Variants in DHX35 observed in about 807,000 individuals in gnomAD.
DHX35 encodes the protein DEAH-box helicase 35, also known as probable ATP-dependent RNA helicase DHX35.
Under a neutral mutation model 99.6 loss-of-function variants are expected in DHX35, and 84 were observed. That is an observed-to-expected ratio of 0.84 (90% confidence interval 0.71 to 1.01). The LOEUF (loss-of-function observed/expected upper bound fraction) is 1.01, where lower values mean the gene tolerates loss of function less well. Among genes scored for constraint, DHX35 ranks in the 50% least tolerant of loss-of-function variants. DHX35 has a pLI of 0.00. For synonymous variants in DHX35, 331 were observed against 316.2 expected (o/e 1.05, Z -0.50); for missense variants, 852 against 888.5 (o/e 0.96, Z 0.52).
At position 39,010,270 on chromosome 20, in the gene DHX35, C is replaced by G. The variant is rs1183343887; in HGVS notation, c.1223-10C>G. 6.2e-7 allele frequency: 1 copy of G among 1,613,940 alleles called. No individual in the cohort carries two copies. Among genetic ancestry groups the G allele is most frequent in the Non-Finnish European group, 8.5e-7 (1 of 1,179,966 alleles). On this transcript the variant is annotated splice_polypyrimidine_tract_variant and intron_variant, in intron 12 of 21. Coordinates refer to ENST00000252011, the MANE Select transcript of DHX35 (RefSeq NM_021931.4). ...TTTGGTCCCAAACAGTTCTGATTTCCTATCCTCAGAGGAAGCCTTTGACAA... is the reference window on the plus strand; with the variant it reads ...TTTGGTCCCAAACAGTTCTGATTTCGTATCCTCAGAGGAAGCCTTTGACAA...
At chr20:38,982,616 C>T (rs2145857396) in intron 3 of DHX35, among the ~76,000 whole-genome samples, 1 of 152,258 alleles carries the variant, frequency 6.6e-6, no homozygotes, top group South Asian at 2.1e-4. Flanking sequence ...CCCTCTTTAT[C>T]CCTGTTCCCC....
intron 13 of DHX35, among the ~76,000 whole-genome samples, chr20:39,011,485 GC>G (rs1311962018): frequency 6.6e-6 from 1 of 152,066 alleles, no homozygotes; most frequent in African/African-American, 2.4e-5. Context: ...ACAGGTGTGT[GC>G]CACCACGCCT....
chr20:38,983,746 G>A lies in DHX35; in HGVS notation c.315G>A (p.Val105=). 1 of 1,614,068 alleles carries A rather than the reference G, an allele frequency of 6.2e-7. No individual in the cohort carries two copies. Among genetic ancestry groups the A allele is most frequent in the Non-Finnish European group, 8.5e-7 (1 of 1,179,984 alleles). ...GWTAEGRVVG[V]TQPRRVAAVT... Reference sequence around the variant, plus strand: ...CAGCTGAAGGAAGAGTGGTAGGAGTGACCCAGCCTCGAAGAGTGGCTGCTG... The same window carrying A: ...CAGCTGAAGGAAGAGTGGTAGGAGTAACCCAGCCTCGAAGAGTGGCTGCTG... Residue 105 remains valine (V), a synonymous_variant, in exon 4 of 22, where the codon GTG becomes GTA. Transcript: ENST00000252011.
At chr20:38,983,252 G>A (rs2086201186) in intron 3 of DHX35, among the ~76,000 whole-genome samples, 1 of 152,194 alleles carries the variant, frequency 6.6e-6, no homozygotes, top group Admixed American at 6.5e-5. Flanking sequence ...TAATCTAATG[G>A]TGTATAGTCA....
At chr20:39,013,320 T>C (rs562260660) in intron 13 of DHX35, among the ~76,000 whole-genome samples, 2 of 152,332 alleles carry the variant, frequency 1.3e-5, no homozygotes, top group Non-Finnish European at 2.9e-5. Flanking sequence ...TGGAGTATGA[T>C]TGTCATAGAG....
At chr20:39,018,729 TA>T (rs2086825804) in intron 14 of DHX35, 74 bp from the exon 15 acceptor site, 13 of 1,403,702 alleles carry the variant, frequency 9.3e-6, no homozygotes, top group Non-Finnish European at 1.2e-5. Flanking sequence ...CATTATCTTT[TA>T]TTCTCTCAGC....
intron 21 of DHX35, among the ~76,000 whole-genome samples, chr20:39,036,749 A>G (rs2087159179): frequency 6.6e-6 from 1 of 151,114 alleles, no homozygotes; most frequent in African/African-American, 2.4e-5. Flanking sequence ...AAAAAAAAAA[A>G]AAAGAAATCA....
At chr20:39,018,714 G>T in intron 14 of DHX35, 90 bp from the exon 15 acceptor site, 2 of 1,254,076 alleles carry the variant, frequency 1.6e-6, no homozygotes, top group South Asian at 2.6e-5. Context: ...CTTCTTTTTA[G>T]CATACATTAT....
At chr20:39,013,832 C>G (rs1457143318) in intron 13 of DHX35, among the ~76,000 whole-genome samples, 1 of 152,206 alleles carries the variant, frequency 6.6e-6, no homozygotes, top group Non-Finnish European at 1.5e-5. Context: ...TTGTTGAATC[C>G]TCTCTGTGTA....
chr20:39,019,669 A>G (rs1432757728), intron 15 of DHX35, among the ~76,000 whole-genome samples: 1 of 152,234 alleles, frequency 6.6e-6, no homozygotes, highest in Non-Finnish European at 1.5e-5. Flanking sequence ...CAAGCAAATT[A>G]ACATATTCAC....
At chr20:39,023,662 A>G (rs756454516) in intron 16 of DHX35, 28 bp from the exon 17 acceptor site, 1 of 1,610,146 alleles carries the variant, frequency 6.2e-7, no homozygotes, top group African/African-American at 1.3e-5. Context: ...AAAGAGTGAA[A>G]TTCTGAATGT....
intron 13 of DHX35, among the ~76,000 whole-genome samples, chr20:39,013,359 G>A (rs1339146493): frequency 6.6e-6 from 1 of 152,204 alleles, no homozygotes; most frequent in Admixed American, 6.5e-5. Context: ...AGTAGTTACT[G>A]TGAAGTTTGT....
chr20:38,978,866 A>C (rs1157212783), intron 3 of DHX35, among the ~76,000 whole-genome samples: 1 of 152,040 alleles, frequency 6.6e-6, no homozygotes, highest in Non-Finnish European at 1.5e-5. Flanking sequence ...TTTGATTTTT[A>C]TATGTGGTGA....
intron 21 of DHX35, among the ~76,000 whole-genome samples, chr20:39,034,961 T>C (rs2087124661): frequency 6.6e-6 from 1 of 152,172 alleles, no homozygotes; most frequent in South Asian, 2.1e-4. Context: ...GGTTTCACTA[T>C]GTTGCCCAGG....
intron 11 of DHX35, among the ~76,000 whole-genome samples, chr20:39,004,312 A>G (rs920916721): frequency 2.6e-4 from 40 of 152,084 alleles, no homozygotes; most frequent in African/African-American, 8.7e-4. Flanking sequence ...TGATCCGCCC[A>G]CCTTGGCCTC....
intron 11 of DHX35, 89 bp from the exon 12 acceptor site, chr20:39,006,057 G>A (rs1020222273): frequency 4.9e-5 from 71 of 1,443,134 alleles, no homozygotes; most frequent in Non-Finnish European, 6.4e-5. Context: ...TGCAATGTTG[G>A]AAATGTTAAA....
At chr20:39,002,983 TC>T in intron 10 of DHX35, 115 bp downstream of exon 10, 1 of 928,934 alleles carries the variant, frequency 1.1e-6, no homozygotes, top group Non-Finnish European at 1.6e-6. Flanking sequence ...ATTTTGTGGT[TC>T]CATAATTGTG....
intron 3 of DHX35, among the ~76,000 whole-genome samples, chr20:38,983,284 T>G (rs561416186): frequency 6.6e-6 from 1 of 152,308 alleles, no homozygotes; most frequent in Admixed American, 6.5e-5. Context: ...TCCAGTTGTT[T>G]TATTTAATAT....
intron 19 of DHX35, chr20:39,029,247 A>G (rs1568761371): frequency 6.6e-6 from 1 of 152,026 alleles, no homozygotes; most frequent in Non-Finnish European, 1.5e-5. Context: ...ATAAGAGAAC[A>G]CTCCAAAGAA....
Sources: allele counts gnomAD v4.1 joint callset (sites outside exome capture counted in the v4.1 genomes callset), GRCh38; gene constraint gnomAD v4.1.1; transcripts MANE v1.5; gene names NCBI Gene and HGNC (gene_info 2026-07-23, HGNC 2026-07-21).